The following LTBP1 variants were observed in gnomAD, a reference collection of about 807,000 sequenced individuals.
LTBP1 encodes the protein latent transforming growth factor beta binding protein 1.
Under a neutral mutation model 207.6 loss-of-function variants are expected in LTBP1, and 129 were observed. The observed-to-expected ratio is 0.62, with a 90% CI of 0.54 to 0.72. The LOEUF (loss-of-function observed/expected upper bound fraction) is 0.72. Ranked by LOEUF, LTBP1 falls within the 30% of genes least tolerant of loss-of-function variation. The probability of loss-of-function intolerance (pLI) is 0.00; values close to 1 mark genes in which losing one functional copy is unlikely to be tolerated. For missense variants in LTBP1, 2,281 were observed against 2,217.2 expected, an observed-to-expected ratio of 1.03 and a Z score of -0.58; for synonymous variants, 963 against 833.7, an observed-to-expected ratio of 1.16 and a Z score of -2.67.
chr2:33,212,568 A>G (rs376265426), intron 7 of LTBP1, among the ~76,000 whole-genome samples: 1 of 152,196 alleles, frequency 6.6e-6, no homozygotes, highest in African/African-American at 2.4e-5. Context: ...TCTGCTTCAT[A>G]TCCTGGGCAT....
intron 9 of LTBP1, among the ~76,000 whole-genome samples, chr2:33,227,981 A>G (rs1007602825): frequency 6.6e-6 from 1 of 150,626 alleles, no homozygotes; most frequent in African/African-American, 2.4e-5. Flanking sequence ...CTTTTTTTAT[A>G]TTTTCAGTAG....
chr2:32,962,325 T>C (rs1428773248), intron 2 of LTBP1, among the ~76,000 whole-genome samples: 23 of 152,234 alleles, frequency 1.5e-4, no homozygotes, highest in Admixed American at 1.5e-3. Flanking sequence ...GAGCCCTGTT[T>C]CTTTTATTTT....
intron 5 of LTBP1, among the ~76,000 whole-genome samples, chr2:33,179,871 A>G (rs546242999): frequency 1.3e-5 from 2 of 152,026 alleles, no homozygotes; most frequent in Non-Finnish European, 2.9e-5. Context: ...AACTCTGTCT[A>G]CTTTTACAGA....
At chr2:33,132,819 C>T (rs898771222) in intron 4 of LTBP1, among the ~76,000 whole-genome samples, 7 of 152,308 alleles carry the variant, frequency 4.6e-5, no homozygotes, top group African/African-American at 1.7e-4. Flanking sequence ...CTGATGGGTT[C>T]AAGTCCTAAT....
chr2:32,982,627 C>T (rs1408195539), intron 2 of LTBP1, among the ~76,000 whole-genome samples: 1 of 152,156 alleles, frequency 6.6e-6, no homozygotes, highest in Non-Finnish European at 1.5e-5. Context: ...CCAGGACTCC[C>T]CTGCTGTATG....
At chr2:33,081,004 G>A (rs987715451) in intron 3 of LTBP1, among the ~76,000 whole-genome samples, 9 of 152,152 alleles carry the variant, frequency 5.9e-5, no homozygotes, top group African/African-American at 1.9e-4. Context: ...CAGAAGTGAA[G>A]ACCCAAAGAA....
In LTBP1 at chr2:33,110,620, A is replaced by G. The variant is rs557403804; in HGVS notation, c.902A>G (p.His301Arg). The G allele has an allele frequency of 2.2e-5, 36 of 1,614,018 alleles. No individual in the cohort carries two copies. The highest frequency in any genetic ancestry group is 4.0e-5 in the African/African-American group (3 of 74,912). The change falls in exon 4 of 34, where the codon CAT (histidine) becomes CGT (arginine). Residue 301 changes from histidine (H) to arginine (R), a missense_variant. His to Arg is a conservative substitution (Grantham distance 29). This residue lies in a region of LTBP1 where 555 missense variants were observed against 491.0 expected (regional missense o/e 1.13). Coordinates refer to ENST00000404816, the MANE Select transcript of LTBP1 (RefSeq NM_206943.4). ...PLSSQSVVIH[H>R]GQTQEYVLKP... Reference sequence around the variant, plus strand: ...TCTTCCCAGAGTGTGGTGATTCACCATGGCCAGACCCAGGAATACGTGCTC... The same window carrying G: ...TCTTCCCAGAGTGTGGTGATTCACCGTGGCCAGACCCAGGAATACGTGCTC...
intron 31 of LTBP1, among the ~76,000 whole-genome samples, chr2:33,387,085 G>A (rs927147048): frequency 2.0e-5 from 3 of 151,892 alleles, no homozygotes; most frequent in Non-Finnish European, 2.9e-5. Flanking sequence ...ACCTTGACCT[G>A]CGTCATGAGC....
At chr2:33,345,304 C>T (rs1160644933) in intron 25 of LTBP1, among the ~76,000 whole-genome samples, 5 of 152,228 alleles carry the variant, frequency 3.3e-5, no homozygotes, top group African/African-American at 4.8e-5. Context: ...GTTCATTTCC[C>T]TAACTCGTCT....
intron 4 of LTBP1, among the ~76,000 whole-genome samples, chr2:33,119,018 G>T (rs1210423150): frequency 6.6e-6 from 1 of 152,120 alleles, no homozygotes; most frequent in Non-Finnish European, 1.5e-5. Flanking sequence ...ATTCCTCGAT[G>T]AGCAGCCTTC....
intron 8 of LTBP1, among the ~76,000 whole-genome samples, 177 bp downstream of exon 8, chr2:33,217,831 C>G (rs2090829125): frequency 6.6e-6 from 1 of 152,106 alleles, no homozygotes; most frequent in Admixed American, 6.5e-5. Context: ...GTTTTCATGT[C>G]AATTATTTTG....
chr2:33,142,349 C>T (rs1349847571), intron 5 of LTBP1, among the ~76,000 whole-genome samples: 23 of 152,066 alleles, frequency 1.5e-4, no homozygotes, highest in Non-Finnish European at 1.0e-4. Context: ...GCCACCTTGC[C>T]GCACGGCCCT....
intron 5 of LTBP1, among the ~76,000 whole-genome samples, chr2:33,136,346 G>C (rs1161680825): frequency 1.3e-5 from 2 of 152,166 alleles, no homozygotes; most frequent in Non-Finnish European, 2.9e-5. Flanking sequence ...TAGCTAATCC[G>C]TAGGGCATGC....
intron 5 of LTBP1, among the ~76,000 whole-genome samples, chr2:33,137,475 C>G (rs1424392476): frequency 6.6e-6 from 1 of 152,182 alleles, no homozygotes; most frequent in Non-Finnish European, 1.5e-5. Context: ...TCTGTTACAG[C>G]TACTCAACCC....
intron 2 of LTBP1, among the ~76,000 whole-genome samples, chr2:33,005,316 G>A (rs907691274): frequency 6.6e-5 from 10 of 152,186 alleles, no homozygotes; most frequent in African/African-American, 1.9e-4. Flanking sequence ...CTCCAAGGTG[G>A]CACACTCATA....
chr2:33,015,541 A>G (rs1207246320), intron 2 of LTBP1, among the ~76,000 whole-genome samples: 1 of 149,578 alleles, frequency 6.7e-6, no homozygotes, highest in African/African-American at 2.4e-5. Flanking sequence ...TAGTTGGCAA[A>G]TAGGAGAGAA....
intron 15 of LTBP1, among the ~76,000 whole-genome samples, chr2:33,268,208 G>T: frequency 6.6e-6 from 1 of 152,214 alleles, no homozygotes; most frequent in East Asian, 1.9e-4. Context: ...CTCAAAATGT[G>T]TATGTTCCCA....
intron 2 of LTBP1, among the ~76,000 whole-genome samples, chr2:32,956,758 A>T (rs1006880897): frequency 6.6e-6 from 1 of 152,222 alleles, no homozygotes. Context: ...AATCCATCAG[A>T]GGAATCACTA....
chr2:33,361,967 G>T (rs2150049971), intron 28 of LTBP1, among the ~76,000 whole-genome samples: 1 of 152,208 alleles, frequency 6.6e-6, no homozygotes, highest in South Asian at 2.1e-4. Flanking sequence ...TTATCCTACT[G>T]TTGTGGGGCC....
Sources: allele counts gnomAD v4.1 joint callset (sites outside exome capture counted in the v4.1 genomes callset), GRCh38; gene constraint gnomAD v4.1.1; regional missense constraint gnomAD v4.1.1; transcripts MANE v1.5; gene names NCBI Gene and HGNC (gene_info 2026-07-23, HGNC 2026-07-21).